The following NAV2 variants were observed in gnomAD, a reference collection of about 807,000 sequenced individuals.
NAV2 encodes the protein helicase, APC down-regulated 1.
NAV2 carries 54 observed loss-of-function variants against 223.2 expected under a neutral mutation model. The ratio of observed to expected loss-of-function variants is 0.24; its 90% confidence interval spans 0.19 to 0.30. The LOEUF (loss-of-function observed/expected upper bound fraction) is 0.30. NAV2 is among the 10% of genes least tolerant of loss of function. NAV2 has a pLI of 1.00. For missense variants in NAV2, 2,806 were observed against 3,147.5 expected, an observed-to-expected ratio of 0.89 and a Z score of 2.60; for synonymous variants, 1,279 against 1,239.3, an observed-to-expected ratio of 1.03 and a Z score of -0.67.
intron 11 of NAV2, among the ~76,000 whole-genome samples, chr11:20,028,753 G>T (rs1052217452): frequency 6.6e-6 from 1 of 152,194 alleles, no homozygotes; most frequent in Non-Finnish European, 1.5e-5. Flanking sequence ...CTACTACAGT[G>T]CCTGGCATAT....
At chr11:19,895,104 CTTTTTTTTTTTTTTT>C (rs71050690) in intron 6 of NAV2, among the ~76,000 whole-genome samples, 3 of 99,208 alleles carry the variant, frequency 3.0e-5, no homozygotes, top group African/African-American at 1.2e-4. Context: ...CTTTTTCTTT[CTTTTTTTTTTTTTTT>C]TTTTTTTTGA....
At chr11:19,779,638 A>T (rs1224747205) in intron 1 of NAV2, among the ~76,000 whole-genome samples, 2 of 151,760 alleles carry the variant, frequency 1.3e-5, no homozygotes, top group East Asian at 3.9e-4. Flanking sequence ...CTGTTTTACA[A>T]CTCTCTTTCC....
chr11:20,113,600 C>G (rs1388918708), intron 36 of NAV2, among the ~76,000 whole-genome samples: 5 of 152,178 alleles, frequency 3.3e-5, no homozygotes, highest in African/African-American at 1.2e-4. Context: ...GAGAAGCCCT[C>G]ATAATTTCAC....
At chr11:19,667,437 A>G in intron 1 of NAV2, among the ~76,000 whole-genome samples, 1 of 152,338 alleles carries the variant, frequency 6.6e-6, no homozygotes, top group East Asian at 1.9e-4. Flanking sequence ...CCAGATGGCC[A>G]ATACCTGTGG....
At chr11:19,979,673 G>C (rs2050129486) in intron 10 of NAV2, among the ~76,000 whole-genome samples, 1 of 152,164 alleles carries the variant, frequency 6.6e-6, no homozygotes, top group African/African-American at 2.4e-5. Flanking sequence ...TTAGTCCCTA[G>C]TAGGTTTTGA....
intron 1 of NAV2, among the ~76,000 whole-genome samples, chr11:19,459,395 A>G (rs1219000591): frequency 6.6e-6 from 1 of 152,226 alleles, no homozygotes; most frequent in Non-Finnish European, 1.5e-5. Flanking sequence ...CCTTAGCCAG[A>G]GTCCTGGGAT....
intron 1 of NAV2, among the ~76,000 whole-genome samples, chr11:19,418,510 G>C (rs1237427442): frequency 6.6e-6 from 1 of 152,200 alleles, no homozygotes; most frequent in Non-Finnish European, 1.5e-5. Context: ...GAATTTGGGA[G>C]ATGAAGGACA....
At chr11:19,794,202 G>C (rs897062110) in intron 1 of NAV2, among the ~76,000 whole-genome samples, 1 of 152,138 alleles carries the variant, frequency 6.6e-6, no homozygotes, top group South Asian at 2.1e-4. Flanking sequence ...ACTTGAGCAG[G>C]GTCCTCTGAA....
intron 10 of NAV2, among the ~76,000 whole-genome samples, chr11:19,953,850 C>CAT (rs1555167181): frequency 1.6e-5 from 1 of 61,126 alleles, no homozygotes. Context: ...GAAATGTGCA[C>CAT]GCGCGCGCGT....
At chr11:19,501,868 G>A (rs190030910) in intron 1 of NAV2, among the ~76,000 whole-genome samples, 14 of 152,230 alleles carry the variant, frequency 9.2e-5, no homozygotes, top group African/African-American at 2.9e-4. Flanking sequence ...TGTGGCATTC[G>A]TTGGGTGGCC....
rs191085568 is a variant in NAV2, at chr11:19,884,943, C to T, written c.770+4816C>T. On this transcript the variant is annotated intron_variant, in intron 5 of 37. Transcript: ENST00000349880. ...GGATGCTCTTAGGTGCCATGGAGAC[C>T]GCCTCAGTTCCCTGAAAATAAAAAA... Among the ~76,000 whole-genome samples, 49 of 152,236 alleles carry T rather than the reference C, an allele frequency of 3.2e-4. No homozygotes were observed. The East Asian group carries it at 6.2e-3, about 19-fold the overall frequency.
At chr11:19,777,729 T>C in intron 1 of NAV2, 1 of 410,480 alleles carries the variant, frequency 2.4e-6, no homozygotes, top group Non-Finnish European at 5.0e-6. Flanking sequence ...TGTCTCTGGT[T>C]GTGAGTCATT....
chr11:20,095,371 G>C (rs914710273), intron 29 of NAV2, among the ~76,000 whole-genome samples: 5 of 152,176 alleles, frequency 3.3e-5, no homozygotes, highest in Non-Finnish European at 5.9e-5. Context: ...GATGTGGAGA[G>C]AGTTCCATAC....
intron 29 of NAV2, among the ~76,000 whole-genome samples, chr11:20,094,959 C>A (rs1771365427): frequency 6.6e-6 from 1 of 152,152 alleles, no homozygotes; most frequent in African/African-American, 2.4e-5. Flanking sequence ...GGTTAGCTGC[C>A]ACTACGCAAA....
At chr11:19,709,338 C>T (rs541675818), upstream of NAV2, among the ~76,000 whole-genome samples, 205 of 151,836 alleles carry the variant, frequency 1.4e-3, no homozygotes, top group Admixed American at 3.8e-3. Flanking sequence ...GTCAGGAGGT[C>T]GAGACCATCC....
At chr11:20,025,785 C>T (rs904336697) in intron 11 of NAV2, among the ~76,000 whole-genome samples, 3 of 152,206 alleles carry the variant, frequency 2.0e-5, no homozygotes, top group Non-Finnish European at 4.4e-5. Flanking sequence ...TTGCTTCTCC[C>T]CTAGGACACT....
intron 11 of NAV2, among the ~76,000 whole-genome samples, chr11:19,995,428 T>C (rs2153473775): frequency 6.6e-6 from 1 of 152,340 alleles, no homozygotes; most frequent in South Asian, 2.1e-4. Flanking sequence ...GCAGCTGGCA[T>C]GCCGTGGGGC....
chr11:19,904,166 T>A (rs1476137912), intron 6 of NAV2, among the ~76,000 whole-genome samples: 1 of 152,222 alleles, frequency 6.6e-6, no homozygotes, highest in African/African-American at 2.4e-5. Flanking sequence ...CTGTATAGTG[T>A]GGAATAAATG....
At chr11:19,613,885 A>G (rs1013002139) in intron 1 of NAV2, among the ~76,000 whole-genome samples, 3 of 152,232 alleles carry the variant, frequency 2.0e-5, no homozygotes, top group African/African-American at 7.2e-5. Context: ...AACTCAGTAA[A>G]TGTAAAATGG....
Sources: allele counts gnomAD v4.1 joint callset (sites outside exome capture counted in the v4.1 genomes callset), GRCh38; gene constraint gnomAD v4.1.1; transcripts MANE v1.5; gene names NCBI Gene and HGNC (gene_info 2026-07-23, HGNC 2026-07-21).